SLC13A1: variants seen among roughly 807,000 people sequenced by gnomAD.
SLC13A1 encodes the protein solute carrier family 13 member 1, also known as Na(+)/sulfate cotransporter.
SLC13A1 carries 65 observed loss-of-function variants against 70.0 expected under a neutral mutation model. That is an observed-to-expected ratio of 0.93 (90% CI 0.76 to 1.14). The LOEUF is 1.14. Among genes scored for constraint, SLC13A1 ranks in the 50% most tolerant of loss-of-function variants. The probability of loss-of-function intolerance (pLI) is 0.00; values close to 1 mark genes in which losing one functional copy is unlikely to be tolerated. For synonymous variants in SLC13A1, 275 were observed against 250.5 expected, an observed-to-expected ratio of 1.10 and a Z score of -0.92; for missense variants, 726 against 717.8, an observed-to-expected ratio of 1.01 and a Z score of -0.13.
At chr7:123,123,047 GC>G (rs1793438682) in intron 12 of SLC13A1, 78 bp downstream of exon 12, 14 of 1,132,392 alleles carry the variant, frequency 1.2e-5, no homozygotes, top group Non-Finnish European at 1.9e-5. Context: ...AATTGAATAT[GC>G]CCAAAGATTG....
intron 1 of SLC13A1, among the ~76,000 whole-genome samples, chr7:123,183,762 A>G (rs1795710668): frequency 6.6e-6 from 1 of 152,108 alleles, no homozygotes; most frequent in Non-Finnish European, 1.5e-5. Flanking sequence ...ACTGGGCTAC[A>G]TCCTTTTCCA....
At chr7:123,186,876 G>A (rs1795818357) in intron 1 of SLC13A1, 1 of 349,300 alleles carries the variant, frequency 2.9e-6, no homozygotes, top group African/African-American at 2.2e-5. Flanking sequence ...TTATCATGAA[G>A]GACATAACTG....
At chr7:123,156,103 G>C (rs962600614) in intron 6 of SLC13A1, among the ~76,000 whole-genome samples, 9 of 152,098 alleles carry the variant, frequency 5.9e-5, no homozygotes, top group Non-Finnish European at 1.3e-4. Context: ...GAAGCCTGCT[G>C]CTATGGAAAT....
At chr7:123,177,028 T>G (rs1795469560) in intron 2 of SLC13A1, among the ~76,000 whole-genome samples, 1 of 152,178 alleles carries the variant, frequency 6.6e-6, no homozygotes, top group Non-Finnish European at 1.5e-5. Context: ...TGGACTCTTT[T>G]GTATTCAACT....
chr7:123,144,388 T>G (rs1044155409), intron 7 of SLC13A1, among the ~76,000 whole-genome samples: 2 of 152,094 alleles, frequency 1.3e-5, no homozygotes, highest in Non-Finnish European at 2.9e-5. Context: ...TAGGTAGAAA[T>G]GAGCAGATGA....
At chr7:123,164,552 G>T (rs574956713) in intron 6 of SLC13A1, among the ~76,000 whole-genome samples, 16 of 151,450 alleles carry the variant, frequency 1.1e-4, no homozygotes, top group African/African-American at 3.9e-4. Flanking sequence ...TAGCAAAATT[G>T]TGCAGATTAC....
chr7:123,151,373 T>TGG (rs1273692822), intron 6 of SLC13A1, among the ~76,000 whole-genome samples: 1 of 130,032 alleles, frequency 7.7e-6, no homozygotes, highest in East Asian at 2.1e-4. Flanking sequence ...TATATGTGTG[T>TGG]GTGTGTGTGT....
At chr7:123,160,262 C>G (rs934614551) in intron 6 of SLC13A1, among the ~76,000 whole-genome samples, 3 of 143,462 alleles carry the variant, frequency 2.1e-5, no homozygotes, top group South Asian at 2.2e-4. Context: ...CAGAGTGAGA[C>G]TCAGTCTCAA....
At chr7:123,169,452 A>G in intron 3 of SLC13A1, 117 bp from the exon 4 acceptor site, 1 of 918,158 alleles carries the variant, frequency 1.1e-6, no homozygotes, top group East Asian at 2.6e-5. Context: ...GTCTTTCAAA[A>G]CATGGAAGGT....
At chr7:123,191,800 A>G (rs1284249660) in intron 1 of SLC13A1, among the ~76,000 whole-genome samples, 1 of 152,078 alleles carries the variant, frequency 6.6e-6, no homozygotes, top group Non-Finnish European at 1.5e-5. Context: ...AGCGTGTGGT[A>G]GAGTTGAGAT....
intron 3 of SLC13A1, among the ~76,000 whole-genome samples, chr7:123,170,967 G>C (rs1270846777): frequency 7.0e-6 from 1 of 143,482 alleles, no homozygotes; most frequent in Non-Finnish European, 1.5e-5. Flanking sequence ...TTTTTTTTTT[G>C]TATTTAGCAA....
rs1563330927 is a variant in SLC13A1 at position 123,147,250 on chromosome 7, A to G, written c.721T>C (p.Cys241Arg). Residue 241 changes from cysteine (C) to arginine (R), a missense_variant, in exon 7 of 15, where the codon TGT becomes CGT. Physicochemically the swap from Cys to Arg is radical, Grantham distance 180 (BLOSUM62 -3). Transcript: ENST00000194130. ...GTAGAAGAGTAGGCAATGCACAAAC[A>G]CGTAAGTTTACGTGTCACGTGGCCC... ...KKGHVTRKLT[C>R]LCIAYSSTIG... 6.2e-7 allele frequency: 1 copy of G among 1,613,672 alleles called. No individual in the cohort carries two copies. Among genetic ancestry groups the G allele is most frequent in the African/African-American group, 1.3e-5 (1 of 75,014 alleles).
chr7:123,126,468 T>C (rs1445376830), intron 10 of SLC13A1, among the ~76,000 whole-genome samples: 1 of 152,122 alleles, frequency 6.6e-6, no homozygotes, highest in Admixed American at 6.6e-5. Context: ...AATTAGCATT[T>C]AGTGTTAAAA....
chr7:123,148,604 C>G (rs1418901877), intron 6 of SLC13A1: 2 of 356,290 alleles, frequency 5.6e-6, no homozygotes, highest in Middle Eastern at 3.8e-4. Flanking sequence ...GAACCAATAA[C>G]TTTTCCGGTC....
intron 7 of SLC13A1, among the ~76,000 whole-genome samples, chr7:123,146,636 T>A (rs1282143794): frequency 2.6e-5 from 4 of 152,214 alleles, no homozygotes; most frequent in Non-Finnish European, 2.9e-5. Context: ...GGAATTGTCA[T>A]CACAGTTCCA....
rs528676400 is a variant in SLC13A1, at chr7:123,188,932, G to C, written c.100-7831C>G. Among the ~76,000 whole-genome samples, 286 of 151,240 alleles carry C rather than the reference G, an allele frequency of 1.9e-3. 1 individual carries two copies. Among genetic ancestry groups the C allele is most frequent in the Middle Eastern group, 3.4e-3 (1 of 292 alleles). On this transcript the variant is annotated intron_variant, in intron 1 of 14. Transcript: ENST00000194130. ...AGATCGAGACCATCCCGGCTAAAAC[G>C]GTGAAACCCCGTCTCTACTAAAAAT...
At chr7:123,192,543 T>C (rs1327834979) in intron 1 of SLC13A1, among the ~76,000 whole-genome samples, 1 of 152,160 alleles carries the variant, frequency 6.6e-6, no homozygotes. Flanking sequence ...GTAATTTGGC[T>C]GATGAATTAG....
chr7:123,172,128 G>A (rs1363369645), intron 2 of SLC13A1, among the ~76,000 whole-genome samples: 2 of 152,082 alleles, frequency 1.3e-5, no homozygotes, highest in East Asian at 3.9e-4. Context: ...AGTACTCAGG[G>A]TTATTAAATA....
intron 8 of SLC13A1, among the ~76,000 whole-genome samples, chr7:123,132,978 A>G (rs12706494): frequency 0.22 from 33,071 of 152,080 alleles, 4,274 homozygotes; most frequent in East Asian, 0.34. Flanking sequence ...AATATGTTGA[A>G]GTTGTCTTTG....
Sources: allele counts gnomAD v4.1 joint callset (sites outside exome capture counted in the v4.1 genomes callset), GRCh38; gene constraint gnomAD v4.1.1; transcripts MANE v1.5; gene names NCBI Gene and HGNC (gene_info 2026-07-23, HGNC 2026-07-21).